The following NRXN2 variants were observed in gnomAD, a reference collection of about 807,000 sequenced individuals.
The protein encoded by NRXN2 is neurexin-2-beta.
A neutral mutation model predicts 128.8 loss-of-function variants in NRXN2; 29 were observed. The observed-to-expected ratio is 0.23, with a 90% CI of 0.17 to 0.31. The LOEUF (loss-of-function observed/expected upper bound fraction) is 0.31, where lower values mean the gene tolerates loss of function less well. Among genes scored for constraint, NRXN2 ranks in the 10% least tolerant of loss-of-function variants. The probability of loss-of-function intolerance (pLI) is 1.00; values close to 1 mark genes in which losing one functional copy is unlikely to be tolerated. For missense variants in NRXN2, 1,881 were observed against 2,452.6 expected (o/e 0.77, Z 4.92); for synonymous variants, 1,098 against 1,075.2 (o/e 1.02, Z -0.41).
intron 7 of NRXN2, among the ~76,000 whole-genome samples, chr11:64,672,380 G>A (rs914548420): frequency 6.6e-6 from 1 of 152,238 alleles, no homozygotes; most frequent in African/African-American, 2.4e-5. Context: ...AGGAAGAGGG[G>A]AAGTATCCTT....
In NRXN2 at chr11:64,713,548, C is replaced by G; in HGVS notation, c.152G>C (p.Gly51Ala). The change falls in exon 2 of 23, where the codon GGC becomes GCC. Residue 51 changes from glycine to alanine, a missense_variant. This residue lies in a region of NRXN2 where 997 missense variants were observed against 1,240.8 expected (regional missense o/e 0.80). Coordinates refer to ENST00000265459, the MANE Select transcript of NRXN2 (RefSeq NM_015080.4). Reference sequence around the variant, plus strand: ...GGTGCGCAGGCTGAAGCTGAGCTCGCCGCTGCTCGCCGCGCCCGCCCAGCG... The same window carrying G: ...GGTGCGCAGGCTGAAGCTGAGCTCGGCGCTGCTCGCCGCGCCCGCCCAGCG... ...YARWAGAASSGELSFSLRTNA... is the reference protein window; with the variant it reads ...YARWAGAASSAELSFSLRTNA... 1 of 1,441,190 alleles carries G rather than the reference C, an allele frequency of 6.9e-7. No individual in the cohort carries two copies. The highest frequency in any genetic ancestry group is 1.3e-5 in the South Asian group (1 of 74,658). 89.3% of individuals were successfully genotyped at this position (1,441,190 alleles called of 1,614,324 possible).
intron 22 of NRXN2, among the ~76,000 whole-genome samples, chr11:64,609,845 G>C (rs1338716327): frequency 6.6e-6 from 1 of 152,012 alleles, no homozygotes; most frequent in Non-Finnish European, 1.5e-5. Flanking sequence ...TCTCTGCAGG[G>C]TGTGGTCTTC....
intron 22 of NRXN2, among the ~76,000 whole-genome samples, chr11:64,611,685 G>A (rs901197524): frequency 1.3e-5 from 2 of 152,064 alleles, no homozygotes; most frequent in African/African-American, 2.4e-5. Flanking sequence ...CAGGCTCCTC[G>A]GGTCACCCTT....
intron 12 of NRXN2, 122 bp from the exon 13 acceptor site, chr11:64,652,276 T>C (rs1397860673): frequency 1.5e-5 from 19 of 1,298,008 alleles, no homozygotes; most frequent in Non-Finnish European, 1.1e-6. Context: ...AACACATACA[T>C]GACCAGTGGC....
rs1022635161 is a variant in NRXN2 at position 64,622,992 on chromosome 11, C to T, written c.3934G>A (p.Gly1312Ser). 4.3e-6 allele frequency: 7 copies of T among 1,613,008 alleles called. No homozygotes were observed. Among genetic ancestry groups the T allele is most frequent in the African/African-American group, 2.7e-5 (2 of 74,922 alleles). The change falls in exon 21 of 23, where the codon GGC becomes AGC. Residue 1312 changes from glycine to serine, a missense_variant. By Grantham distance (56) the Gly-to-Ser change is moderately conservative. This residue lies in a region of NRXN2 where 108 missense variants were observed against 165.2 expected (regional missense o/e 0.65). Coordinates refer to ENST00000265459, the MANE Select transcript of NRXN2 (RefSeq NM_015080.4). The surrounding 1 kb of genome is among the most constrained non-coding windows in gnomAD (Gnocchi z 4.3). ...ACCTTGAGCCCATTGTAGTAGAGGCCGGACACCTGGCCCTGGAAGGGGCGG... is the reference window on the plus strand; with the variant it reads ...ACCTTGAGCCCATTGTAGTAGAGGCTGGACACCTGGCCCTGGAAGGGGCGG... ...QGRPFQGQVSGLYYNGLKVLA... is the reference protein window; with the variant it reads ...QGRPFQGQVSSLYYNGLKVLA...
intron 2 of NRXN2, 142 bp downstream of exon 2, chr11:64,712,828 C>T: frequency 1.2e-6 from 1 of 812,956 alleles, no homozygotes; most frequent in Non-Finnish European, 2.0e-6. Context: ...GTCCCCGCAG[C>T]CCTGGAGCGC....
intron 4 of NRXN2, 135 bp downstream of exon 4, chr11:64,692,712 G>C (rs2053982406): frequency 1.1e-6 from 1 of 914,660 alleles, no homozygotes; most frequent in Non-Finnish European, 1.8e-6. Flanking sequence ...AAGGAAGCGG[G>C]TAGGAAAGGA....
intron 17 of NRXN2, chr11:64,642,775 C>T: frequency 1.7e-6 from 2 of 1,176,142 alleles, no homozygotes; most frequent in Non-Finnish European, 2.1e-6. Context: ...GCGCGGGCAC[C>T]CCCCCGGCCC....
At chr11:64,695,654 A>G (rs1432820917) in intron 3 of NRXN2, among the ~76,000 whole-genome samples, 1 of 152,122 alleles carries the variant, frequency 6.6e-6, no homozygotes, top group African/African-American at 2.4e-5. Context: ...ATTAAGAGAC[A>G]CACAAGCAGG....
rs902603997 is a variant in NRXN2, at chr11:64,648,386, T to C, written c.3284-48A>G. 2.5e-6 allele frequency: 4 copies of C among 1,613,422 alleles called. No homozygotes were observed. Among genetic ancestry groups the C allele is most frequent in the East Asian group, 4.5e-5 (2 of 44,878 alleles). ...ACACCCCTGGCTCAGCCAAGCCCCCTCTTTCCCCAGGAGGTGTGGAAGCTT... is the reference window on the plus strand; with the variant it reads ...ACACCCCTGGCTCAGCCAAGCCCCCCCTTTCCCCAGGAGGTGTGGAAGCTT... On this transcript the variant is annotated intron_variant, in intron 16 of 22. Transcript: ENST00000265459. The surrounding 1 kb of genome is among the most constrained non-coding windows in gnomAD (Gnocchi z 4.1).
rs895174906 is a variant in NRXN2 at position 64,648,609 on chromosome 11, G to A, written c.3283+125C>T. On this transcript the variant is annotated intron_variant, in intron 16 of 22. Transcript: ENST00000265459. The surrounding 1 kb of genome is among the most constrained non-coding windows in gnomAD (Gnocchi z 4.1). The stretch of plus-strand genomic sequence containing the variant: ...CCCTGCCCCAGAACTGTGGGGGCAA[G>A]CTCCCATAAGGCCTGAGAAGGAAGG... The A allele has an allele frequency of 3.0e-6, 4 of 1,332,532 alleles. No individual in the cohort carries two copies. In the Admixed American group the frequency reaches 5.2e-5, roughly 17 times the overall value. 82.5% of individuals were successfully genotyped at this position (1,332,532 alleles called of 1,614,324 possible). A position where few individuals can be genotyped will look rare whatever the true frequency, so the allele number is the denominator to read the frequency against.
intron 2 of NRXN2, among the ~76,000 whole-genome samples, chr11:64,700,804 C>A (rs999746898): frequency 2.0e-5 from 3 of 152,140 alleles, no homozygotes; most frequent in Non-Finnish European, 4.4e-5. Context: ...GACCTATGTA[C>A]CCATCTGTCT....
chr11:64,711,386 A>G (rs1448645985), intron 2 of NRXN2, among the ~76,000 whole-genome samples: 1 of 152,166 alleles, frequency 6.6e-6, no homozygotes, highest in Non-Finnish European at 1.5e-5. Flanking sequence ...GGGCGGGGAG[A>G]GACGCGCATG....
At position 64,632,007 on chromosome 11, in the gene NRXN2, A is replaced by G. The variant is rs566657645; in HGVS notation, c.3586-1434T>C. On this transcript the variant is annotated intron_variant, in intron 18 of 22. Coordinates refer to ENST00000265459, the MANE Select transcript of NRXN2 (RefSeq NM_015080.4). The surrounding 1 kb of genome is among the most constrained non-coding windows in gnomAD (Gnocchi z 4.2). ...TACACTCCTGGGGTCTTCTTGAAAG[A>G]CTGCCCCAGTCTGGCCTGGACATGT... 6.6e-6 allele frequency among the ~76,000 whole-genome samples: 1 copy of G among 152,320 alleles called. No homozygotes were observed. Among genetic ancestry groups the G allele is most frequent in the East Asian group, 1.9e-4 (1 of 5,190 alleles).
intron 22 of NRXN2, among the ~76,000 whole-genome samples, chr11:64,608,592 A>G (rs1365739902): frequency 6.6e-6 from 1 of 150,558 alleles, no homozygotes; most frequent in Non-Finnish European, 1.5e-5. Flanking sequence ...TGATTTTAGC[A>G]TGAAGAAAAA....
chr11:64,640,809 A>C (rs1001484324), intron 17 of NRXN2, among the ~76,000 whole-genome samples: 1 of 152,160 alleles, frequency 6.6e-6, no homozygotes, highest in Non-Finnish European at 1.5e-5. Flanking sequence ...AAAAGGAAGA[A>C]GACCAGCAAA....
In NRXN2 at chr11:64,608,099, A is replaced by G. The variant is rs1234692863; in HGVS notation, c.4253-17T>C. 3 of 1,575,678 alleles carry G rather than the reference A, an allele frequency of 1.9e-6. No individual in the cohort carries two copies. Among genetic ancestry groups the G allele is most frequent in the Non-Finnish European group, 1.7e-6 (2 of 1,166,140 alleles). ...ACTCTCCTCCTAGAACAAGAGAGAG[A>G]AGAGAAAAGAGAGGGCGTCAGCGAG... On this transcript the variant is annotated splice_polypyrimidine_tract_variant and intron_variant, in intron 22 of 22. Coordinates refer to ENST00000265459, the MANE Select transcript of NRXN2 (RefSeq NM_015080.4).
Position 64,607,762 on chromosome 11 carries a change from T to C in NRXN2, c.4573A>G (p.Thr1525Ala). The change falls in exon 23 of 23, where the codon ACC becomes GCC. Residue 1525 changes from threonine (T) to alanine (A), a missense_variant. Transcript: ENST00000265459. ...TTFPLVTDRTTLLSPRKPAPR... is the reference protein window; with the variant it reads ...TTFPLVTDRTALLSPRKPAPR... ...GCGGGTTTGCGGGGTGACAGGAGGGTGGTGCGGTCCGTGACCAGGGGAAAG... is the reference window on the plus strand; with the variant it reads ...GCGGGTTTGCGGGGTGACAGGAGGGCGGTGCGGTCCGTGACCAGGGGAAAG... The C allele has an allele frequency of 6.3e-7, 1 of 1,581,372 alleles. No homozygotes were observed. The highest frequency in any genetic ancestry group is 8.6e-7 in the Non-Finnish European group (1 of 1,165,094).
In NRXN2 at chr11:64,643,344, G is replaced by T. The variant is rs1164000268; in HGVS notation, c.3403+4875C>A. On this transcript the variant is annotated intron_variant, in intron 17 of 22. Coordinates refer to ENST00000265459, the MANE Select transcript of NRXN2 (RefSeq NM_015080.4). ...GCCGCCCGACGGAGGCCGGGGGAAA[G>T]GAGGGAGCGGCCGGGGGAGGGGGGG... The T allele has an allele frequency of 5.3e-6, 5 of 939,862 alleles. No homozygotes were observed. In the East Asian group the frequency reaches 6.4e-4, roughly 120 times the overall value. The allele number at this position is 939,862 out of a possible 1,614,324, so 58.2% of individuals were successfully genotyped here.
Sources: allele counts gnomAD v4.1 joint callset (sites outside exome capture counted in the v4.1 genomes callset), GRCh38; gene constraint gnomAD v4.1.1; regional missense constraint gnomAD v4.1.1; non-coding constraint Gnocchi (gnomAD v3.1); transcripts MANE v1.5; gene names NCBI Gene and HGNC (gene_info 2026-07-23, HGNC 2026-07-21).